Variants in SPATS2 observed in about 807,000 individuals in gnomAD.
SPATS2 encodes spermatogenesis-associated serine-rich protein 2.
SPATS2 carries 38 observed loss-of-function variants against 63.7 expected under a neutral mutation model. The observed-to-expected ratio is 0.60, with a 90% confidence interval of 0.46 to 0.78. The LOEUF is 0.78. SPATS2 is among the 30% of genes least tolerant of loss of function. The pLI is 0.00. For missense variants in SPATS2, 588 were observed against 666.2 expected (o/e 0.88, Z 1.29); for synonymous variants, 207 against 232.9 (o/e 0.89, Z 1.01).
At chr12:49,432,111 G>C (rs1364318048) in intron 2 of SPATS2, among the ~76,000 whole-genome samples, 1 of 152,176 alleles carries the variant, frequency 6.6e-6, no homozygotes, top group Non-Finnish European at 1.5e-5. Context: ...GATGTGAGGG[G>C]CCTGTTTGTC....
chr12:49,435,747 G>A (rs1945268896), intron 2 of SPATS2, among the ~76,000 whole-genome samples: 1 of 148,586 alleles, frequency 6.7e-6, no homozygotes, highest in African/African-American at 2.5e-5. Flanking sequence ...CAGCAGATAA[G>A]TGAACAAAGG....
chr12:49,481,521 G>T (rs1342415265), intron 3 of SPATS2, among the ~76,000 whole-genome samples: 1 of 134,712 alleles, frequency 7.4e-6, no homozygotes, highest in Non-Finnish European at 1.5e-5. Flanking sequence ...AGGCTGGAGT[G>T]CAGTGGCTCA....
Position 49,519,152 on chromosome 12 carries a change from G to A in SPATS2, c.978G>A (p.Gln326=). ...MTHVAVQMSE[Q]QLVELRADIK... ...ATGTGGCTGTTCAAATGTCAGAGCA[G>A]CAATTGGTTGAGCTCAGAGCTGATA... The change falls in exon 11 of 14, where the codon CAG becomes CAA. Residue 326 remains glutamine, a synonymous_variant. Coordinates refer to ENST00000552918, the MANE Select transcript of SPATS2 (RefSeq NM_023071.4). 4 of 1,613,920 alleles carry A rather than the reference G, an allele frequency of 2.5e-6. No homozygotes were observed. The highest frequency in any genetic ancestry group is 3.4e-6 in the Non-Finnish European group (4 of 1,179,916).
Position 49,514,622 on chromosome 12 carries a change from A to G in SPATS2, c.898+9A>G, listed in dbSNP as rs1247409507. Reference sequence around the variant, plus strand: ...AGTGAAAGCTGAAGCAAGTAAGATGATTGATCTTTAATTAAAGCTATTACC... The same window carrying G: ...AGTGAAAGCTGAAGCAAGTAAGATGGTTGATCTTTAATTAAAGCTATTACC... On this transcript the variant is annotated intron_variant, in intron 10 of 13. Transcript: ENST00000552918. The G allele has an allele frequency of 6.2e-7, 1 of 1,612,418 alleles. No homozygotes were observed. Among genetic ancestry groups the G allele is most frequent in the Admixed American group, 1.7e-5 (1 of 59,942 alleles).
At chr12:49,466,264 A>G (rs969892162) in intron 3 of SPATS2, among the ~76,000 whole-genome samples, 2 of 151,908 alleles carry the variant, frequency 1.3e-5, no homozygotes, top group Non-Finnish European at 2.9e-5. Flanking sequence ...CCCAGGTTCA[A>G]GCAGTTCTCT....
At chr12:49,521,902 CTTCCCG>C (rs1946947616) in intron 11 of SPATS2, among the ~76,000 whole-genome samples, 2 of 152,092 alleles carry the variant, frequency 1.3e-5, no homozygotes, top group Non-Finnish European at 2.9e-5. Context: ...CTTCTGGTTG[CTTCCCG>C]AGAATTCTGA....
At chr12:49,425,958 G>A (rs1945068308) in intron 2 of SPATS2, among the ~76,000 whole-genome samples, 1 of 152,176 alleles carries the variant, frequency 6.6e-6, no homozygotes, top group Admixed American at 6.5e-5. Flanking sequence ...TGACAATTAT[G>A]TAATTGTAAT....
chr12:49,412,661 G>C (rs1425227140), intron 2 of SPATS2, among the ~76,000 whole-genome samples: 1 of 151,588 alleles, frequency 6.6e-6, no homozygotes, highest in Admixed American at 6.6e-5. Context: ...TAGGAGGATC[G>C]CTTGAAGCCA....
intron 2 of SPATS2, chr12:49,389,389 G>C (rs1038815130): frequency 2.0e-5 from 11 of 559,220 alleles, no homozygotes; most frequent in Non-Finnish European, 3.6e-5. Flanking sequence ...TCTGCTAACT[G>C]AGGAGGCAGA....
chr12:49,462,031 C>T (rs1236414317), intron 3 of SPATS2, among the ~76,000 whole-genome samples: 1 of 151,942 alleles, frequency 6.6e-6, no homozygotes, highest in Non-Finnish European at 1.5e-5. Flanking sequence ...TCTGTTTTCA[C>T]CCTGCAAATG....
intron 2 of SPATS2, among the ~76,000 whole-genome samples, chr12:49,408,975 T>A (rs1263389492): frequency 6.6e-6 from 1 of 152,180 alleles, no homozygotes; most frequent in Non-Finnish European, 1.5e-5. Context: ...CCTGTGAAAA[T>A]CATGAACCTA....
chr12:49,525,661 C>T (rs886374973), intron 13 of SPATS2, among the ~76,000 whole-genome samples: 71 of 152,262 alleles, frequency 4.7e-4, no homozygotes, highest in African/African-American at 1.7e-3. Flanking sequence ...CTTGTAACAA[C>T]CCAGAGAATG....
intron 2 of SPATS2, among the ~76,000 whole-genome samples, chr12:49,447,720 A>G (rs1945540827): frequency 6.6e-6 from 1 of 152,048 alleles, no homozygotes; most frequent in African/African-American, 2.4e-5. Flanking sequence ...TTTTTCTAGG[A>G]ATTTGTTCAT....
At chr12:49,420,149 T>C (rs1306639642) in intron 2 of SPATS2, among the ~76,000 whole-genome samples, 1 of 152,240 alleles carries the variant, frequency 6.6e-6, no homozygotes, top group East Asian at 1.9e-4. Context: ...TTGGTCTTCC[T>C]TAAACACGTA....
At chr12:49,519,870 T>C (rs1405237483) in intron 11 of SPATS2, among the ~76,000 whole-genome samples, 3 of 151,302 alleles carry the variant, frequency 2.0e-5, no homozygotes, top group Non-Finnish European at 2.9e-5. Context: ...TGGAGTGCAA[T>C]GGCGTGCCAT....
chr12:49,496,343 G>T (rs1383488560), intron 7 of SPATS2, among the ~76,000 whole-genome samples: 1 of 152,196 alleles, frequency 6.6e-6, no homozygotes, highest in Admixed American at 6.5e-5. Flanking sequence ...AAACTCCTGT[G>T]CTCAAGTGAT....
intron 3 of SPATS2, among the ~76,000 whole-genome samples, chr12:49,477,375 C>T (rs997933029): frequency 3.9e-5 from 6 of 152,040 alleles, no homozygotes; most frequent in African/African-American, 1.2e-4. Context: ...CTCAAAGGAG[C>T]AAAGTAAGGA....
chr12:49,367,536 G>C lies in SPATS2; in HGVS notation c.-358G>C, dbSNP rs533581820. On this transcript the variant is annotated 5_prime_UTR_variant, in exon 1 of 14. Coordinates refer to ENST00000552918, the MANE Select transcript of SPATS2 (RefSeq NM_023071.4). ...TCTTCTCAGACCCGGGAGCGTCCGGGACGCGGAGCCCGGAGCTGGGGCGAC... is the reference window on the plus strand; with the variant it reads ...TCTTCTCAGACCCGGGAGCGTCCGGCACGCGGAGCCCGGAGCTGGGGCGAC... 4 of 398,442 alleles carry C rather than the reference G, an allele frequency of 1.0e-5. No homozygotes were observed. The highest frequency in any genetic ancestry group is 1.8e-5 in the Non-Finnish European group (4 of 226,134). The allele number at this position is 398,442 out of a possible 1,614,324, so 24.7% of individuals were successfully genotyped here. A position where few individuals can be genotyped will look rare whatever the true frequency, so the allele number is the denominator to read the frequency against.
intron 2 of SPATS2, among the ~76,000 whole-genome samples, chr12:49,430,806 T>C (rs1171920993): frequency 6.6e-6 from 1 of 152,062 alleles, no homozygotes; most frequent in African/African-American, 2.4e-5. Context: ...GTTCAAGCAA[T>C]TCTCCTGCCT....
Sources: allele counts gnomAD v4.1 joint callset (sites outside exome capture counted in the v4.1 genomes callset), GRCh38; gene constraint gnomAD v4.1.1; transcripts MANE v1.5; gene names NCBI Gene and HGNC (gene_info 2026-07-23, HGNC 2026-07-21).